ERBB4: variants seen among roughly 807,000 people sequenced by gnomAD.
ERBB4 encodes erb-b2 receptor tyrosine kinase 4.
ERBB4 carries 42 observed loss-of-function variants against 158.0 expected under a neutral mutation model. The observed-to-expected ratio is 0.27, with a 90% CI of 0.21 to 0.34. ERBB4 has a LOEUF of 0.34. Among genes scored for constraint, ERBB4 ranks in the 10% least tolerant of loss-of-function variants. ERBB4 has a pLI of 1.00. For synonymous variants in ERBB4, 583 were observed against 558.7 expected (o/e 1.04, Z -0.61); for missense variants, 1,333 against 1,624.1 (o/e 0.82, Z 3.08).
chr2:211,401,959 T>C (rs1024470989), intron 25 of ERBB4, among the ~76,000 whole-genome samples: 1 of 151,530 alleles, frequency 6.6e-6, no homozygotes, highest in Non-Finnish European at 1.5e-5. Context: ...TATATATTAC[T>C]AGCACAATTA....
intron 1 of ERBB4, among the ~76,000 whole-genome samples, chr2:212,144,482 C>T (rs1420565741): frequency 6.6e-6 from 1 of 152,122 alleles, no homozygotes; most frequent in Non-Finnish European, 1.5e-5. Context: ...TTCCTTTGAC[C>T]TTACCAAGAA....
At chr2:212,446,618 TA>T (rs1286108518) in intron 1 of ERBB4, among the ~76,000 whole-genome samples, 2 of 69,804 alleles carry the variant, frequency 2.9e-5, no homozygotes, top group East Asian at 7.7e-4. Context: ...TATATATATA[TA>T]TATATATATA....
chr2:212,212,698 T>C (rs2105930664), intron 1 of ERBB4, among the ~76,000 whole-genome samples: 2 of 152,164 alleles, frequency 1.3e-5, no homozygotes, highest in Middle Eastern at 6.8e-3. Flanking sequence ...CAAAACAGAA[T>C]GGTACTAGTA....
chr2:211,727,338 T>A (rs2074300174), intron 5 of ERBB4, among the ~76,000 whole-genome samples: 1 of 152,094 alleles, frequency 6.6e-6, no homozygotes, highest in South Asian at 2.1e-4. Context: ...ACATTTGTAT[T>A]TTTTTCAAGT....
intron 2 of ERBB4, among the ~76,000 whole-genome samples, chr2:212,010,195 C>T (rs980997578): frequency 7.9e-5 from 12 of 152,030 alleles, no homozygotes; most frequent in Non-Finnish European, 1.5e-4. Flanking sequence ...GCTATATAAC[C>T]CTCTGCCTCT....
chr2:212,229,080 GAGAC>G (rs1198831035), intron 1 of ERBB4, among the ~76,000 whole-genome samples: 1 of 152,210 alleles, frequency 6.6e-6, no homozygotes, highest in Non-Finnish European at 1.5e-5. Flanking sequence ...GGAAGAGAGA[GAGAC>G]AGAGCACTGT....
chr2:212,296,481 CATAT>C (rs2086415726), intron 1 of ERBB4, among the ~76,000 whole-genome samples: 1 of 151,820 alleles, frequency 6.6e-6, no homozygotes, highest in South Asian at 2.1e-4. Flanking sequence ...ATTTCAAGGT[CATAT>C]ATTAGCATTT....
At chr2:212,040,589 A>G (rs999657054) in intron 2 of ERBB4, among the ~76,000 whole-genome samples, 5 of 152,106 alleles carry the variant, frequency 3.3e-5, no homozygotes, top group African/African-American at 1.2e-4. Context: ...GGGCATCACT[A>G]TTTCTAACTC....
In ERBB4 at chr2:211,717,171, T is replaced by C. The variant is rs535267984; in HGVS notation, c.884-3523A>G. Among the ~76,000 whole-genome samples the C allele has an allele frequency of 7.9e-5, 12 of 152,286 alleles. No individual in the cohort carries two copies. In the South Asian group the frequency reaches 2.5e-3, roughly 32 times the overall value. ...CTGTCTTTGGGAAAGGCATCCTAAT[T>C]TGAAGGTAGTAGATTAGGTAGTAGT... On this transcript the variant is annotated intron_variant, in intron 7 of 27. Coordinates refer to ENST00000342788, the MANE Select transcript of ERBB4 (RefSeq NM_005235.3).
chr2:212,368,746 C>T (rs1427705326), intron 1 of ERBB4, among the ~76,000 whole-genome samples: 1 of 151,962 alleles, frequency 6.6e-6, no homozygotes, highest in Admixed American at 6.6e-5. Context: ...TCTTTTTTCC[C>T]ATGCCCAGAG....
At chr2:211,571,419 T>A (rs572891849) in intron 19 of ERBB4, among the ~76,000 whole-genome samples, 1 of 152,128 alleles carries the variant, frequency 6.6e-6, no homozygotes, top group African/African-American at 2.4e-5. Context: ...AGCAGGGCAT[T>A]TTTTTTCTCT....
At position 211,896,745 on chromosome 2, in the gene ERBB4, T is replaced by C. The variant is rs117850120; in HGVS notation, c.421+50685A>G. ...GTCATTCAATTAACTTTCAAAAATATGAAAAAGACTGTTTAACATGCCACA... is the reference window on the plus strand; with the variant it reads ...GTCATTCAATTAACTTTCAAAAATACGAAAAAGACTGTTTAACATGCCACA... On this transcript the variant is annotated intron_variant, in intron 3 of 27. Transcript: ENST00000342788. 7.2e-5 allele frequency among the ~76,000 whole-genome samples: 11 copies of C among 152,280 alleles called. No individual in the cohort carries two copies. In the East Asian group the frequency reaches 1.9e-3, roughly 27 times the overall value.
intron 1 of ERBB4, among the ~76,000 whole-genome samples, chr2:212,324,781 A>C (rs2087747982): frequency 6.6e-6 from 1 of 150,592 alleles, no homozygotes; most frequent in African/African-American, 2.4e-5. Flanking sequence ...TTGCATGGGA[A>C]GAGGGGGAAA....
intron 3 of ERBB4, among the ~76,000 whole-genome samples, chr2:211,867,529 T>C (rs77854795): frequency 0.044 from 6,633 of 152,320 alleles, 248 homozygotes; most frequent in Non-Finnish European, 0.065. Flanking sequence ...ATGGTAACAC[T>C]TTACACATAA....
rs1575641796 is a variant in ERBB4, at chr2:212,106,961, G to A, written c.234+17791C>T. On this transcript the variant is annotated intron_variant, in intron 2 of 27. Transcript: ENST00000342788. ...TAGATTTCAGAGGACCTATGGAAAT[G>A]CCTGAATGTCCAGGCAGAAGTTTGC... is the stretch of plus-strand genomic sequence containing the variant. Among the ~76,000 whole-genome samples, 2 of 152,262 alleles carry A rather than the reference G, an allele frequency of 1.3e-5. 1 individual carries two copies. Among genetic ancestry groups the A allele is most frequent in the East Asian group, 3.8e-4 (2 of 5,198 alleles).
chr2:212,458,763 A>C (rs1332070055), intron 1 of ERBB4, among the ~76,000 whole-genome samples: 1 of 152,182 alleles, frequency 6.6e-6, no homozygotes, highest in Non-Finnish European at 1.5e-5. Context: ...GTAGAAGTTA[A>C]GAAGGAGAGA....
chr2:211,894,162 A>T (rs2079041877), intron 3 of ERBB4, among the ~76,000 whole-genome samples: 1 of 105,466 alleles, frequency 9.5e-6, no homozygotes, highest in Admixed American at 1.1e-4. Context: ...GAACCAACCC[A>T]AATGTCCAAC....
chr2:211,761,500 A>G (rs532273027), intron 4 of ERBB4, among the ~76,000 whole-genome samples: 2 of 152,288 alleles, frequency 1.3e-5, no homozygotes, highest in East Asian at 3.9e-4. Context: ...AAGTAGAGCC[A>G]GAGAATTGTC....
chr2:211,463,916 T>A (rs1324162264), intron 20 of ERBB4, among the ~76,000 whole-genome samples: 5 of 152,166 alleles, frequency 3.3e-5, no homozygotes, highest in African/African-American at 1.2e-4. Flanking sequence ...ACAGGCCTCC[T>A]TACTGTGCCT....
Sources: gnomAD v4.1 joint callset for allele counts (sites outside exome capture counted in the v4.1 genomes callset) on GRCh38, gnomAD v4.1.1 for gene constraint, MANE v1.5 for transcripts, NCBI Gene and HGNC (gene_info 2026-07-23, HGNC 2026-07-21) for gene names.